PXK: variants seen among roughly 807,000 people sequenced by gnomAD.
The protein encoded by PXK is PX domain containing serine/threonine kinase like.
A neutral mutation model predicts 84.7 loss-of-function variants in PXK; 35 were observed. The ratio of observed to expected loss-of-function variants is 0.41; its 90% CI spans 0.32 to 0.55. The LOEUF is 0.55. Ranked by LOEUF, PXK falls within the 20% of genes least tolerant of loss-of-function variation. The pLI is 0.21. For missense variants in PXK, 634 were observed against 699.7 expected, an observed-to-expected ratio of 0.91 and a Z score of 1.06; for synonymous variants, 253 against 260.8, an observed-to-expected ratio of 0.97 and a Z score of 0.29.
At chr3:58,413,963 T>C (rs2060591258) in intron 17 of PXK, 1 of 152,230 alleles carries the variant, frequency 6.6e-6, no homozygotes, top group South Asian at 2.1e-4. Context: ...ATGACTTACT[T>C]CTGGCTGAGG....
chr3:58,396,246 G>A (rs1342741185), intron 9 of PXK, among the ~76,000 whole-genome samples: 7 of 151,892 alleles, frequency 4.6e-5, no homozygotes, highest in South Asian at 2.1e-4. Flanking sequence ...AATTATATGC[G>A]TGTACTATGC....
chr3:58,366,642 T>G (rs1205086950), intron 2 of PXK, among the ~76,000 whole-genome samples: 1 of 152,206 alleles, frequency 6.6e-6, no homozygotes, highest in Non-Finnish European at 1.5e-5. Flanking sequence ...TTAAGCAGCC[T>G]CTTACACACA....
intron 1 of PXK, among the ~76,000 whole-genome samples, chr3:58,348,932 G>A (rs1219137450): frequency 6.6e-6 from 1 of 151,036 alleles, no homozygotes; most frequent in African/African-American, 2.4e-5. Context: ...TAATTAATAT[G>A]TTTTGCATTC....
chr3:58,420,799 T>C (rs1344691808), intron 17 of PXK: 4 of 1,362,110 alleles, frequency 2.9e-6, no homozygotes, highest in Non-Finnish European at 3.8e-6. Context: ...TCATTTTCAC[T>C]CTGATTTCAG....
chr3:58,344,625 A>T (rs1257102539), intron 1 of PXK, among the ~76,000 whole-genome samples: 1 of 152,218 alleles, frequency 6.6e-6, no homozygotes, highest in Non-Finnish European at 1.5e-5. Flanking sequence ...GGAGTTCGAG[A>T]CCAGCCTGGC....
At chr3:58,340,847 A>G (rs927071655) in intron 1 of PXK, among the ~76,000 whole-genome samples, 27 of 152,144 alleles carry the variant, frequency 1.8e-4, no homozygotes, top group African/African-American at 6.0e-4. Context: ...GGGTAGCGTC[A>G]TAGGAAATGA....
In PXK at chr3:58,421,171, C is replaced by G. The variant is rs757083694; in HGVS notation, c.1529-3581C>G. 5.8e-4 allele frequency: 572 copies of G among 985,350 alleles called. 1 individual carries two copies. The highest frequency in any genetic ancestry group is 1.6e-3 in the Middle Eastern group (3 of 1,914). 61.0% of individuals were successfully genotyped at this position (985,350 alleles called of 1,614,324 possible). A position where few individuals can be genotyped will look rare whatever the true frequency, so the allele number is the denominator to read the frequency against. On this transcript the variant is annotated intron_variant, in intron 17 of 17. Transcript: ENST00000356151. This position sits in a 1 kb window ranked among gnomAD's most constrained non-coding sequence, Gnocchi z 5.5. ...AGGGTGGCTGGTAAGTCTGGTGTTA[C>G]CCTAGTGTGGTCTCATGGCCACTTG...
rs1196558409 is a variant in PXK at position 58,398,466 on chromosome 3, T to C, written c.1102+744T>C. ...GCCAGAAGCCTAGTAGATAAGAGCCTAGCAGGCCCAGACCTAGGGCAGGCA... is the reference window on the plus strand; with the variant it reads ...GCCAGAAGCCTAGTAGATAAGAGCCCAGCAGGCCCAGACCTAGGGCAGGCA... On this transcript the variant is annotated intron_variant, in intron 11 of 17. Transcript: ENST00000356151. The surrounding 1 kb of genome is among the most constrained non-coding windows in gnomAD (Gnocchi z 4.5). 6.6e-6 allele frequency among the ~76,000 whole-genome samples: 1 copy of C among 152,072 alleles called. No homozygotes were observed. Among genetic ancestry groups the C allele is most frequent in the African/African-American group, 2.4e-5 (1 of 41,388 alleles).
At chr3:58,345,469 C>G (rs1486972129) in intron 1 of PXK, among the ~76,000 whole-genome samples, 2 of 152,194 alleles carry the variant, frequency 1.3e-5, no homozygotes, top group Non-Finnish European at 2.9e-5. Flanking sequence ...GAAACAGCAT[C>G]TTCAGACAAC....
chr3:58,378,512 TTGTGTGTGTG>T lies in PXK; in HGVS notation c.202-3969_202-3960del, dbSNP rs71091375. 6.5e-4 allele frequency among the ~76,000 whole-genome samples: 19 copies of T among 29,084 alleles called. No individual in the cohort carries two copies. In the East Asian group the frequency reaches 0.021, roughly 33 times the overall value. 19.1% of individuals were successfully genotyped at this position (29,084 alleles called of 152,430 possible). ...TTCTTCTTTTTTTTTTTTTTTTTTTTTGTGTGTGTGTGTGTGTGTGTGTGTGTGTGTGTGT... is the reference window on the plus strand; with the variant it reads ...TTCTTCTTTTTTTTTTTTTTTTTTTTTGTGTGTGTGTGTGTGTGTGTGTGT... On this transcript the variant is annotated intron_variant, in intron 3 of 17. Coordinates refer to ENST00000356151, the MANE Select transcript of PXK (RefSeq NM_017771.5).
intron 1 of PXK, among the ~76,000 whole-genome samples, chr3:58,354,936 T>G (rs1332833709): frequency 1.3e-5 from 2 of 151,896 alleles, no homozygotes; most frequent in African/African-American, 4.8e-5. Flanking sequence ...CTGGCCAACA[T>G]GGTAAAATCC....
intron 17 of PXK, among the ~76,000 whole-genome samples, chr3:58,415,684 C>T (rs1687150677): frequency 6.6e-6 from 1 of 152,178 alleles, no homozygotes; most frequent in African/African-American, 2.4e-5. Flanking sequence ...AAATCAGATA[C>T]CCACACCAAG....
chr3:58,378,492 CTTTTTTTT>C lies in PXK; in HGVS notation c.202-4008_202-4001del, dbSNP rs1159247642. 5.3e-4 allele frequency among the ~76,000 whole-genome samples: 13 copies of C among 24,318 alleles called. 1 individual carries two copies. The highest frequency in any genetic ancestry group is 1.5e-3 in the African/African-American group (11 of 7,144). The allele number at this position is 24,318 out of a possible 152,430, so 16.0% of individuals were successfully genotyped here. On this transcript the variant is annotated intron_variant, in intron 3 of 17. Transcript: ENST00000356151. The stretch of plus-strand genomic sequence containing the variant: ...ATTGGATTTGGACTTCATTTTTCTT[CTTTTTTTT>C]TTTTTTTTTTTTTGTGTGTGTGTGT...
At chr3:58,361,963 A>G (rs542034248) in intron 1 of PXK, among the ~76,000 whole-genome samples, 3 of 152,328 alleles carry the variant, frequency 2.0e-5, no homozygotes, top group African/African-American at 7.2e-5. Flanking sequence ...CCCATCTGCA[A>G]TGTATGAGTG....
intron 1 of PXK, among the ~76,000 whole-genome samples, chr3:58,345,230 G>T (rs963744462): frequency 6.6e-6 from 1 of 152,158 alleles, no homozygotes; most frequent in Admixed American, 6.5e-5. Flanking sequence ...ACTCGGAGTG[G>T]TTAACAGAGG....
At chr3:58,423,762 T>G (rs1367276268) in intron 17 of PXK, among the ~76,000 whole-genome samples, 1 of 152,174 alleles carries the variant, frequency 6.6e-6, no homozygotes, top group Admixed American at 6.6e-5. Flanking sequence ...ACGAGGCAAC[T>G]AACTGTGGCA....
At chr3:58,371,376 C>T (rs146540722) in intron 3 of PXK, among the ~76,000 whole-genome samples, 3 of 152,320 alleles carry the variant, frequency 2.0e-5, no homozygotes, top group Non-Finnish European at 4.4e-5. Flanking sequence ...TCTCCTCAAG[C>T]CCTCCTCTCC....
chr3:58,358,765 C>T lies in PXK; in HGVS notation c.103-7109C>T, dbSNP rs556133280. ...GATGTCTGCTGAGCAGAATCACCCC[C>T]GCTTTTAAGAACACTGACCTAAACA... On this transcript the variant is annotated intron_variant, in intron 1 of 17. Transcript: ENST00000356151. 5.3e-5 allele frequency among the ~76,000 whole-genome samples: 8 copies of T among 152,262 alleles called. No homozygotes were observed. The South Asian group carries it at 1.0e-3, about 20-fold the overall frequency.
At chr3:58,408,680 G>A (rs9790206) in intron 13 of PXK, among the ~76,000 whole-genome samples, 36,281 of 151,870 alleles carry the variant, frequency 0.24, 6,046 homozygotes, top group East Asian at 0.8. Context: ...CCACCACCAC[G>A]CCCGGCTAAT....
Sources: allele counts gnomAD v4.1 joint callset (sites outside exome capture counted in the v4.1 genomes callset), GRCh38; gene constraint gnomAD v4.1.1; non-coding constraint Gnocchi (gnomAD v3.1); transcripts MANE v1.5; gene names NCBI Gene and HGNC (gene_info 2026-07-23, HGNC 2026-07-21).